DENND2C: variants seen among roughly 807,000 people sequenced by gnomAD.
DENND2C encodes the protein DENN domain-containing protein 2C.
DENND2C carries 72 observed loss-of-function variants against 112.4 expected under a neutral mutation model. That is an observed-to-expected ratio of 0.64 (90% CI 0.53 to 0.78). DENND2C has a LOEUF of 0.78. Among genes scored for constraint, DENND2C ranks in the 30% least tolerant of loss-of-function variants. The probability of loss-of-function intolerance (pLI) is 0.00; values close to 1 mark genes in which losing one functional copy is unlikely to be tolerated. For missense variants in DENND2C, 992 were observed against 1,113.8 expected, an observed-to-expected ratio of 0.89 and a Z score of 1.56; for synonymous variants, 329 against 381.6, an observed-to-expected ratio of 0.86 and a Z score of 1.61.
intron 1 of DENND2C, among the ~76,000 whole-genome samples, chr1:114,667,972 T>A (rs1206803638): frequency 1.3e-5 from 2 of 152,206 alleles, no homozygotes; most frequent in African/African-American, 4.8e-5. Flanking sequence ...TACCAATGAA[T>A]GATAGCTGAT....
At chr1:114,601,037 C>T in intron 13 of DENND2C, 77 bp from the exon 14 acceptor site, 1 of 1,458,902 alleles carries the variant, frequency 6.9e-7, no homozygotes. Context: ...AACTGCCAAA[C>T]CTGGTGTACA....
chr1:114,607,863 A>G (rs962963098), intron 10 of DENND2C, among the ~76,000 whole-genome samples: 35 of 152,208 alleles, frequency 2.3e-4, no homozygotes, highest in African/African-American at 8.4e-4. Flanking sequence ...AATGGATAAC[A>G]TCATATTCAG....
chr1:114,669,209 C>T (rs762855343), intron 1 of DENND2C, among the ~76,000 whole-genome samples: 1 of 152,186 alleles, frequency 6.6e-6, no homozygotes, highest in Non-Finnish European at 1.5e-5. Context: ...AATATACACG[C>T]TCCACACGCA....
chr1:114,634,335 C>CT lies in DENND2C; in HGVS notation c.-204-8148dup, dbSNP rs530612170. Reference sequence around the variant, plus strand: ...ACATAAAGTACATACTCTTTTCTTTCTTTTTTTTATTTTTTTGAGACAGAG... The same window carrying CT: ...ACATAAAGTACATACTCTTTTCTTTCTTTTTTTTTATTTTTTTGAGACAGAG... On this transcript the variant is annotated intron_variant, in intron 3 of 20. Transcript: ENST00000393274. Among the ~76,000 whole-genome samples, 489 of 152,020 alleles carry CT rather than the reference C, an allele frequency of 3.2e-3. 2 individuals carry two copies. Among genetic ancestry groups the CT allele is most frequent in the African/African-American group, 0.011 (461 of 41,476 alleles).
rs1411795923 is a variant in DENND2C at position 114,625,592 on chromosome 1, G to A, written c.393C>T (p.Val131=). The change falls in exon 4 of 21, where the codon GTC becomes GTT. Residue 131 remains valine (V), a synonymous_variant. Coordinates refer to ENST00000393274, the MANE Select transcript of DENND2C (RefSeq NM_001256404.2). ...GAGGTAATGAAGTCTCTGGATCTAA[G>A]ACATCTTCTTTACAGCTTTCAATTT... ...VKEIESCKED[V]LDPETSLPPG... is the part of the protein sequence containing the mutation. 6.2e-7 allele frequency: 1 copy of A among 1,614,118 alleles called. No individual in the cohort carries two copies. Among genetic ancestry groups the A allele is most frequent in the East Asian group, 2.2e-5 (1 of 44,862 alleles).
intron 18 of DENND2C, among the ~76,000 whole-genome samples, chr1:114,589,993 A>G (rs1655140674): frequency 6.6e-6 from 1 of 152,198 alleles, no homozygotes; most frequent in Admixed American, 6.5e-5. Context: ...TACACACATA[A>G]AACCCCAATA....
At chr1:114,625,007 T>C (rs1656289991) in intron 4 of DENND2C, among the ~76,000 whole-genome samples, 172 bp downstream of exon 4, 1 of 152,206 alleles carries the variant, frequency 6.6e-6, no homozygotes, top group Non-Finnish European at 1.5e-5. Flanking sequence ...TATTACTACA[T>C]TTCTACTTTT....
intron 13 of DENND2C, 33 bp from the exon 14 acceptor site, chr1:114,600,993 T>C: frequency 6.3e-7 from 1 of 1,585,374 alleles, no homozygotes; most frequent in Non-Finnish European, 8.6e-7. Context: ...TATTATGGAC[T>C]AAGTTAAAAA....
At chr1:114,607,651 A>G (rs958906224) in intron 10 of DENND2C, among the ~76,000 whole-genome samples, 3 of 152,310 alleles carry the variant, frequency 2.0e-5, no homozygotes, top group African/African-American at 4.8e-5. Context: ...TACTCCCATC[A>G]TCTAATCCTG....
At chr1:114,667,989 A>T (rs1657692622) in intron 1 of DENND2C, among the ~76,000 whole-genome samples, 1 of 152,284 alleles carries the variant, frequency 6.6e-6, no homozygotes, top group Non-Finnish European at 1.5e-5. Flanking sequence ...TGATGTTGTT[A>T]TTGTTACCAT....
At chr1:114,602,764 A>G (rs1655547332) in intron 11 of DENND2C, among the ~76,000 whole-genome samples, 1 of 152,016 alleles carries the variant, frequency 6.6e-6, no homozygotes, top group African/African-American at 2.4e-5. Context: ...AGGTCTCACT[A>G]TCTTGACAGG....
In DENND2C at chr1:114,625,428, C is replaced by T. The variant is rs1386916107; in HGVS notation, c.557G>A (p.Gly186Glu). 1.4e-5 allele frequency: 22 copies of T among 1,614,032 alleles called. No individual in the cohort carries two copies. The highest frequency in any genetic ancestry group is 1.7e-5 in the Non-Finnish European group (20 of 1,180,024). Reference protein sequence around the residue: ...LNFRVLDSSYGITKSLENIYS... With the variant: ...LNFRVLDSSYEITKSLENIYS... ...AATATTTTCTAAGCTCTTGGTTATT[C>T]CGTATGAACTATCCAGAACTCTGAA... is the stretch of plus-strand genomic sequence containing the variant. The change falls in exon 4 of 21, where the codon GGA (glycine) becomes GAA (glutamate). Residue 186 changes from glycine to glutamate, a missense_variant. Gly to Glu is a moderately conservative substitution (Grantham distance 98). Transcript: ENST00000393274.
At chr1:114,650,673 C>CAAAAA (rs58693255) in intron 2 of DENND2C, among the ~76,000 whole-genome samples, 14 of 61,578 alleles carry the variant, frequency 2.3e-4, no homozygotes, top group African/African-American at 3.6e-4. Flanking sequence ...GACTCCGTCT[C>CAAAAA]AAAAAAAAAA....
chr1:114,597,462 A>G (rs1210919004), intron 16 of DENND2C, among the ~76,000 whole-genome samples: 2 of 150,454 alleles, frequency 1.3e-5, no homozygotes, highest in African/African-American at 4.9e-5. Context: ...AAAGAGAAGA[A>G]AAGGAAAAAA....
At chr1:114,657,149 C>T (rs1359214343) in intron 1 of DENND2C, among the ~76,000 whole-genome samples, 1 of 152,234 alleles carries the variant, frequency 6.6e-6, no homozygotes, top group African/African-American at 2.4e-5. Context: ...GTTGCAGTCA[C>T]TCCTCAGTCA....
At chr1:114,588,006 CTGGAAACACTGGCTCTGGTTATGGAAG>C in intron 18 of DENND2C, 54 bp from the exon 19 acceptor site, 4 of 1,454,844 alleles carry the variant, frequency 2.7e-6, no homozygotes, top group Non-Finnish European at 3.8e-6. Flanking sequence ...TTATCTGTAT[CTGGAAACACTGGCTCTGGTTATGGAAG>C]TCGTGCCTAA....
chr1:114,612,130 G>A (rs1471162991), intron 8 of DENND2C, among the ~76,000 whole-genome samples: 1 of 152,078 alleles, frequency 6.6e-6, no homozygotes. Flanking sequence ...AGATTTATAA[G>A]TTGTTGATAA....
At position 114,594,597 on chromosome 1, in the gene DENND2C, TGGAG is replaced by T; in HGVS notation, c.2326-23_2326-20del. On this transcript the variant is annotated intron_variant, in intron 17 of 20. Coordinates refer to ENST00000393274, the MANE Select transcript of DENND2C (RefSeq NM_001256404.2). ...CAGATACCTTAAGAAGAAAAAAAAA[TGGAG>T]ATTTTTCTTTGTTTGAGATTTGAGG... 1 of 1,582,828 alleles carries T rather than the reference TGGAG, an allele frequency of 6.3e-7. No homozygotes were observed. The highest frequency in any genetic ancestry group is 8.7e-7 in the Non-Finnish European group (1 of 1,156,028).
At chr1:114,593,722 A>G (rs1203443790) in intron 18 of DENND2C, among the ~76,000 whole-genome samples, 2 of 152,136 alleles carry the variant, frequency 1.3e-5, no homozygotes, top group Non-Finnish European at 2.9e-5. Flanking sequence ...GCAGTGAGCT[A>G]TAATTGCACC....
Sources: gnomAD v4.1 joint callset for allele counts (sites outside exome capture counted in the v4.1 genomes callset) on GRCh38, gnomAD v4.1.1 for gene constraint, MANE v1.5 for transcripts, NCBI Gene and HGNC (gene_info 2026-07-23, HGNC 2026-07-21) for gene names.